The following PCDHGA4 variants were observed in gnomAD, a reference collection of about 807,000 sequenced individuals.
PCDHGA4 encodes protocadherin gamma subfamily A, 4, also known as protocadherin gamma-A4.
A neutral mutation model predicts 54.6 loss-of-function variants in PCDHGA4; 38 were observed. The ratio of observed to expected loss-of-function variants is 0.70; its 90% CI spans 0.54 to 0.91. The LOEUF (loss-of-function observed/expected upper bound fraction) is 0.91, where lower values mean the gene tolerates loss of function less well. PCDHGA4 is among the 40% of genes least tolerant of loss of function. The pLI is 0.00. For synonymous variants in PCDHGA4, 511 were observed against 512.9 expected, an observed-to-expected ratio of 1.00 and a Z score of 0.05; for missense variants, 1,298 against 1,220.9, an observed-to-expected ratio of 1.06 and a Z score of -0.94.
At chr5:141,384,494 T>C in intron 1 of PCDHGA4, 1 of 1,613,972 alleles carries the variant, frequency 6.2e-7, no homozygotes, top group African/African-American at 1.3e-5. Flanking sequence ...CAACTAAGAG[T>C]GACTGCACAT....
chr5:141,437,058 T>C (rs539776847), intron 1 of PCDHGA4, among the ~76,000 whole-genome samples: 2 of 152,246 alleles, frequency 1.3e-5, no homozygotes, highest in Non-Finnish European at 2.9e-5. Context: ...CTGGTGATCA[T>C]TATTTGGTTT....
At chr5:141,399,341 C>T in intron 1 of PCDHGA4, 2 of 1,613,938 alleles carry the variant, frequency 1.2e-6, no homozygotes, top group Non-Finnish European at 1.7e-6. Context: ...ACAGATGGAA[C>T]CCTAGACCGA....
intron 1 of PCDHGA4, among the ~76,000 whole-genome samples, chr5:141,380,002 C>A (rs1238165554): frequency 6.9e-6 from 1 of 143,940 alleles, no homozygotes; most frequent in Non-Finnish European, 1.5e-5. Flanking sequence ...TGGGTTCAAG[C>A]GATTCTCCTG....
At chr5:141,420,056 T>C (rs1241770239) in intron 1 of PCDHGA4, 1 of 1,614,044 alleles carries the variant, frequency 6.2e-7, no homozygotes, top group Admixed American at 1.7e-5. Flanking sequence ...AGTTCTCTGC[T>C]CCAAGTCCGG....
Position 141,372,061 on chromosome 5 carries a change from AC to A in PCDHGA4, c.2514+14441del, listed in dbSNP as rs773665526. On this transcript the variant is annotated intron_variant, in intron 1 of 3. Coordinates refer to ENST00000571252, the MANE Select transcript of PCDHGA4 (RefSeq NM_018917.4). ...CTGCGCGTGTTGGTGGACGACCGCA[AC>A]GACAATGCACCGCTGGTGCTGTACC... 71 of 1,613,454 alleles carry A rather than the reference AC, an allele frequency of 4.4e-5. No homozygotes were observed. The African/African-American group carries it at 9.1e-4, about 21-fold the overall frequency.
At chr5:141,360,233 TC>T in intron 1 of PCDHGA4, 1 of 1,613,862 alleles carries the variant, frequency 6.2e-7, no homozygotes, top group Non-Finnish European at 8.5e-7. Context: ...CCAGTCCAGA[TC>T]CGCTATTCAA....
chr5:141,456,748 A>C (rs1448893002), intron 1 of PCDHGA4, among the ~76,000 whole-genome samples: 1 of 151,852 alleles, frequency 6.6e-6, no homozygotes, highest in Non-Finnish European at 1.5e-5. Context: ...GAGCATCATG[A>C]GGTCAGGAGT....
intron 1 of PCDHGA4, among the ~76,000 whole-genome samples, chr5:141,468,777 A>T (rs2099178581): frequency 6.7e-6 from 1 of 150,364 alleles, no homozygotes; most frequent in Non-Finnish European, 1.5e-5. Flanking sequence ...GAGGCAGGAG[A>T]ATGGCGTGAA....
intron 2 of PCDHGA4, among the ~76,000 whole-genome samples, chr5:141,499,780 G>A (rs776654854): frequency 1.4e-5 from 2 of 145,766 alleles, no homozygotes; most frequent in Non-Finnish European, 3.0e-5. Flanking sequence ...TTCGCCTCCC[G>A]GGTTCAAGCA....
At chr5:141,360,620 T>A (rs759358436) in intron 1 of PCDHGA4, 2 of 1,613,908 alleles carry the variant, frequency 1.2e-6, no homozygotes, top group Non-Finnish European at 1.7e-6. Flanking sequence ...GATTCAGATG[T>A]TGGTCCTAAC....
chr5:141,447,164 G>T (rs2098528799), intron 1 of PCDHGA4, among the ~76,000 whole-genome samples: 1 of 151,766 alleles, frequency 6.6e-6, no homozygotes, highest in South Asian at 2.1e-4. Context: ...GTTTAAGCGG[G>T]GTCTTGCTCT....
At position 141,374,694 on chromosome 5, in the gene PCDHGA4, G is replaced by T. The variant is rs375847789; in HGVS notation, c.2514+17073G>T. The T allele has an allele frequency of 1.2e-6, 2 of 1,609,362 alleles. No individual in the cohort carries two copies. Among genetic ancestry groups the T allele is most frequent in the Non-Finnish European group, 1.7e-6 (2 of 1,177,726 alleles). On this transcript the variant is annotated intron_variant, in intron 1 of 3. Coordinates refer to ENST00000571252, the MANE Select transcript of PCDHGA4 (RefSeq NM_018917.4). ...CTGGAGGGCACACTGGACCGGGAAG[G>T]AGAAGCCGTTTACCGCCTGGTCCTT...
At chr5:141,470,416 A>AT (rs1300623208) in intron 1 of PCDHGA4, among the ~76,000 whole-genome samples, 3 of 152,134 alleles carry the variant, frequency 2.0e-5, no homozygotes, top group African/African-American at 7.2e-5. Flanking sequence ...GATTTTATGT[A>AT]TTTTTTCCTT....
chr5:141,423,630 T>C, intron 1 of PCDHGA4: 1 of 1,603,994 alleles, frequency 6.2e-7, no homozygotes, highest in Non-Finnish European at 8.5e-7. Flanking sequence ...CAGCTATCAT[T>C]TTAGGCAAAT....
chr5:141,439,965 T>C (rs1212358198), intron 1 of PCDHGA4: 1 of 152,760 alleles, frequency 6.5e-6, no homozygotes, highest in Non-Finnish European at 1.5e-5. Flanking sequence ...CGTTATTCAG[T>C]CCTAGAGGAG....
Position 141,357,525 on chromosome 5 carries a change from T to A in PCDHGA4, c.2418T>A (p.Tyr806Ter), listed in dbSNP as rs1015704388. The change falls in exon 1 of 4, where the codon TAT (tyrosine) becomes TAA (stop). Residue 806 changes from tyrosine (Y) to a stop codon, truncating the protein, a stop_gained. Coordinates refer to ENST00000571252, the MANE Select transcript of PCDHGA4 (RefSeq NM_018917.4). LOFTEE classifies it high-confidence loss of function. ...KSHLIFSQPS[Y>*]ADTLISRESC... is the part of the protein sequence containing the mutation. ...ACCTGATCTTCTCCCAACCCAGCTA[T>A]GCAGACACGCTCATCAGCCGGGAGA... is the stretch of plus-strand genomic sequence containing the variant. 1.2e-6 allele frequency: 2 copies of A among 1,614,206 alleles called. No homozygotes were observed. Among genetic ancestry groups the A allele is most frequent in the Non-Finnish European group, 1.7e-6 (2 of 1,180,036 alleles).
intron 1 of PCDHGA4, among the ~76,000 whole-genome samples, chr5:141,481,426 A>G (rs1431602618): frequency 6.6e-6 from 1 of 152,238 alleles, no homozygotes; most frequent in Non-Finnish European, 1.5e-5. Flanking sequence ...TGTGATGATG[A>G]TTGTATCAGT....
At chr5:141,484,872 G>T in intron 1 of PCDHGA4, 1 of 319,608 alleles carries the variant, frequency 3.1e-6, no homozygotes, top group Non-Finnish European at 5.8e-6. Context: ...GGAGCGTGGA[G>T]GATAGGGTGG....
At position 141,365,998 on chromosome 5, in the gene PCDHGA4, C is replaced by A. The variant is rs374639173; in HGVS notation, c.2514+8377C>A. 3.1e-6 allele frequency: 5 copies of A among 1,614,116 alleles called. No homozygotes were observed. Among genetic ancestry groups the A allele is most frequent in the Admixed American group, 3.3e-5 (2 of 60,012 alleles). On this transcript the variant is annotated intron_variant, in intron 1 of 3. Transcript: ENST00000571252. ...TGAGCCTGTTTGTGCTGGACCAGAA[C>A]GACAATACGCCTGAGATCCTGTACC...
Sources: gnomAD v4.1 joint callset for allele counts (sites outside exome capture counted in the v4.1 genomes callset) on GRCh38, gnomAD v4.1.1 for gene constraint, MANE v1.5 for transcripts, NCBI Gene and HGNC (gene_info 2026-07-23, HGNC 2026-07-21) for gene names.